Variants in EFTUD2 observed in about 807,000 individuals in gnomAD.
EFTUD2 encodes 116 kDa U5 small nuclear ribonucleoprotein component.
Under a neutral mutation model 114.3 loss-of-function variants are expected in EFTUD2, and 9 were observed. The observed-to-expected ratio is 0.08, with a 90% CI of 0.05 to 0.14. EFTUD2 has a LOEUF of 0.14. Among genes scored for constraint, EFTUD2 ranks in the 10% least tolerant of loss-of-function variants. EFTUD2 has a pLI of 1.00. For missense variants in EFTUD2, 765 were observed against 1,241.2 expected, an observed-to-expected ratio of 0.62 and a Z score of 5.76; for synonymous variants, 449 against 462.3, an observed-to-expected ratio of 0.97 and a Z score of 0.37.
intron 4 of EFTUD2, chr17:44,884,278 C>T (rs1188199905): frequency 1.3e-5 from 2 of 152,160 alleles, no homozygotes; most frequent in East Asian, 1.9e-4. Flanking sequence ...CTGCCCTGGC[C>T]TCCCAAAGTG....
chr17:44,862,349 T>C (rs530084849), intron 16 of EFTUD2, among the ~76,000 whole-genome samples: 33 of 152,156 alleles, frequency 2.2e-4, no homozygotes, highest in African/African-American at 7.7e-4. Flanking sequence ...GTGGAAGGAC[T>C]GCTTGAGCCC....
chr17:44,869,751 C>T (rs568875105), intron 11 of EFTUD2, among the ~76,000 whole-genome samples: 2 of 152,292 alleles, frequency 1.3e-5, no homozygotes, highest in South Asian at 4.1e-4. Flanking sequence ...ATCTCTTTCC[C>T]TCGGCTTTAC....
intron 26 of EFTUD2, 92 bp from the exon 27 acceptor site, chr17:44,851,909 A>C (rs1184286181): frequency 3.9e-5 from 42 of 1,085,414 alleles, no homozygotes; most frequent in Non-Finnish European, 5.2e-5. Context: ...TTTATTCCTA[A>C]ATTTATTACT....
chr17:44,868,212 C>A, intron 12 of EFTUD2, 75 bp downstream of exon 12: 4 of 1,324,600 alleles, frequency 3.0e-6, no homozygotes, highest in South Asian at 1.4e-5. Flanking sequence ...TCTTTGAACT[C>A]AGAGAATTTC....
At chr17:44,897,650 C>T (rs1446046761) in intron 1 of EFTUD2, among the ~76,000 whole-genome samples, 1 of 152,120 alleles carries the variant, frequency 6.6e-6, no homozygotes, top group Non-Finnish European at 1.5e-5. Context: ...CTGCAACCTC[C>T]GCCTCACAGG....
chr17:44,873,888 A>G (rs2050899222), intron 10 of EFTUD2, among the ~76,000 whole-genome samples: 1 of 150,366 alleles, frequency 6.7e-6, no homozygotes, highest in Non-Finnish European at 1.5e-5. Context: ...CCCGCCACCA[A>G]GCCCGGCTAA....
At position 44,876,049 on chromosome 17, in the gene EFTUD2, C is replaced by T; in HGVS notation, c.754G>A (p.Ala252Thr). The change falls in exon 10 of 28, where the codon GCA becomes ACA. Residue 252 changes from alanine (A) to threonine (T), a missense_variant. Physicochemically the swap from Ala to Thr is moderately conservative, Grantham distance 58. Around this residue, in one of 6 missense-constraint regions of EFTUD2, gnomAD observed 251 missense variants for 357.7 expected, o/e 0.70. Transcript: ENST00000426333. ...ATCTTGTTGATGCACACAGTGACTGCCAGCCTCTCCTGCACCGCATGCTTG... is the reference window on the plus strand; with the variant it reads ...ATCTTGTTGATGCACACAGTGACTGTCAGCCTCTCCTGCACCGCATGCTTG... ...LIKHAVQERL[A>T]VTVCINKIDR... 6.2e-7 allele frequency: 1 copy of T among 1,614,006 alleles called. No homozygotes were observed. The highest frequency in any genetic ancestry group is 8.5e-7 in the Non-Finnish European group (1 of 1,179,966).
Position 44,893,781 on chromosome 17 carries a change from G to C in EFTUD2, c.105+636C>G, listed in dbSNP as rs1423405780. Reference sequence around the variant, plus strand: ...TTAAAAAAAGGTGGGGGGGGGGGTGGGGGGGCAGGCATGGTGGCTCATGCC... The same window carrying C: ...TTAAAAAAAGGTGGGGGGGGGGGTGCGGGGGCAGGCATGGTGGCTCATGCC... On this transcript the variant is annotated intron_variant, in intron 2 of 27. Transcript: ENST00000426333. 2.5e-5 allele frequency among the ~76,000 whole-genome samples: 3 copies of C among 120,962 alleles called. No homozygotes were observed. In the Admixed American group the frequency reaches 2.8e-4, roughly 11 times the overall value. The allele number at this position is 120,962 out of a possible 152,430, so 79.4% of individuals were successfully genotyped here.
intron 4 of EFTUD2, 77 bp from the exon 5 acceptor site, chr17:44,883,801 G>T: frequency 6.8e-7 from 1 of 1,465,576 alleles, no homozygotes; most frequent in South Asian, 1.1e-5. Context: ...GGTGTTTCAG[G>T]TATTTTTTGG....
At chr17:44,871,304 C>A (rs374496639) in intron 11 of EFTUD2, among the ~76,000 whole-genome samples, 1 of 151,498 alleles carries the variant, frequency 6.6e-6, no homozygotes, top group South Asian at 2.1e-4. Flanking sequence ...GGATTACAGG[C>A]GTGAGCCACT....
At chr17:44,894,601 T>C in intron 1 of EFTUD2, 76 bp from the exon 2 acceptor site, 1 of 1,112,858 alleles carries the variant, frequency 9.0e-7, no homozygotes, top group Non-Finnish European at 1.4e-6. Context: ...ACCTGTCTAG[T>C]CTTAGTCTTA....
chr17:44,881,615 C>G, intron 7 of EFTUD2, 72 bp downstream of exon 7: 1 of 1,540,134 alleles, frequency 6.5e-7, no homozygotes, highest in Non-Finnish European at 9.0e-7. Context: ...AAAGGCTCCT[C>G]TACATTCCCT....
chr17:44,876,890 C>T (rs575261714), intron 9 of EFTUD2, among the ~76,000 whole-genome samples: 1 of 147,918 alleles, frequency 6.8e-6, no homozygotes, highest in Non-Finnish European at 1.5e-5. Context: ...AACTACTCCC[C>T]ACTATGAGCC....
chr17:44,865,207 A>T, intron 13 of EFTUD2, 142 bp from the exon 14 acceptor site: 1 of 1,284,054 alleles, frequency 7.8e-7, no homozygotes. Context: ...TGGCAAGGAC[A>T]AAAGTTTGGT....
chr17:44,878,117 C>T (rs2051002135), intron 9 of EFTUD2, among the ~76,000 whole-genome samples: 1 of 151,600 alleles, frequency 6.6e-6, no homozygotes, highest in Non-Finnish European at 1.5e-5. Flanking sequence ...GCCTGGGCAA[C>T]AGAGCAAGAC....
chr17:44,874,920 TG>T (rs1597809656), intron 10 of EFTUD2, among the ~76,000 whole-genome samples: 1 of 152,274 alleles, frequency 6.6e-6, no homozygotes, highest in East Asian at 1.9e-4. Context: ...TAACATCCCT[TG>T]TAAGTTATGT....
intron 12 of EFTUD2, 54 bp from the exon 13 acceptor site, chr17:44,867,951 T>C: frequency 2.7e-6 from 4 of 1,480,154 alleles, no homozygotes; most frequent in Non-Finnish European, 3.6e-6. Context: ...CTATCACTGA[T>C]CCCAAGAGGC....
In EFTUD2 at chr17:44,863,653, A is replaced by T; in HGVS notation, c.1413+2T>A. On this transcript the variant is annotated splice_donor_variant, in intron 15 of 27. Transcript: ENST00000426333. LOFTEE classifies it high-confidence loss of function. The stretch of plus-strand genomic sequence containing the variant: ...GAGAACCGGGGAGCCACATGCCCTT[A>T]CATCAGGGTCACAGTCACTCATAGC... The T allele has an allele frequency of 6.2e-7, 1 of 1,612,634 alleles. No individual in the cohort carries two copies.
chr17:44,853,648 T>C lies in EFTUD2; in HGVS notation c.2348-13A>G, dbSNP rs1447135488. On this transcript the variant is annotated splice_polypyrimidine_tract_variant and intron_variant, in intron 23 of 27. Coordinates refer to ENST00000426333, the MANE Select transcript of EFTUD2 (RefSeq NM_004247.4). ...ACATTCCGAATCACTGTAAAGGAGG[T>C]GGAGGGAGTGACTGGGGAGAGGTTC... 6.2e-7 allele frequency: 1 copy of C among 1,612,534 alleles called. No individual in the cohort carries two copies. Among genetic ancestry groups the C allele is most frequent in the African/African-American group, 1.3e-5 (1 of 74,708 alleles).
Sources: allele counts gnomAD v4.1 joint callset (sites outside exome capture counted in the v4.1 genomes callset), GRCh38; gene constraint gnomAD v4.1.1; regional missense constraint gnomAD v4.1.1; transcripts MANE v1.5; gene names NCBI Gene and HGNC (gene_info 2026-07-23, HGNC 2026-07-21).